Variants in NPFFR2 observed in about 807,000 individuals in gnomAD.
NPFFR2 encodes neuropeptide FF receptor 2, also known as G-protein coupled receptor 74.
A neutral mutation model predicts 13.1 loss-of-function variants in NPFFR2; 15 were observed. The ratio of observed to expected loss-of-function variants is 1.15; its 90% CI spans 0.77 to 1.76. The LOEUF is 1.76. Ranked by LOEUF, NPFFR2 falls within the 40% of genes most tolerant of loss-of-function variation. The probability of loss-of-function intolerance (pLI) is 0.00; values close to 1 mark genes in which losing one functional copy is unlikely to be tolerated. For missense variants in NPFFR2, 572 were observed against 503.5 expected, an observed-to-expected ratio of 1.14 and a Z score of -1.30; for synonymous variants, 190 against 175.7, an observed-to-expected ratio of 1.08 and a Z score of -0.65.
chr4:72,133,223 A>G (rs945795005), intron 2 of NPFFR2, among the ~76,000 whole-genome samples: 2 of 152,192 alleles, frequency 1.3e-5, no homozygotes, highest in African/African-American at 4.8e-5. Context: ...GCACATGGCT[A>G]GCCAGTTATC....
chr4:72,062,233 G>A (rs867950929), intron 1 of NPFFR2, among the ~76,000 whole-genome samples: 2 of 152,054 alleles, frequency 1.3e-5, no homozygotes, highest in South Asian at 2.1e-4. Context: ...AAAGCTCAAG[G>A]TAGTATACTT....
intron 1 of NPFFR2, among the ~76,000 whole-genome samples, chr4:72,042,365 G>A (rs965850507): frequency 2.6e-5 from 4 of 152,242 alleles, no homozygotes; most frequent in Middle Eastern, 3.4e-3. Context: ...GTATAGCGGC[G>A]TGAGAATGGA....
At chr4:72,107,922 T>A (rs1395914938) in intron 1 of NPFFR2, among the ~76,000 whole-genome samples, 1 of 152,040 alleles carries the variant, frequency 6.6e-6, no homozygotes, top group African/African-American at 2.4e-5. Context: ...TATTGTATTT[T>A]ATATATCAAA....
At chr4:72,143,211 AAGAG>A (rs555652137) in intron 3 of NPFFR2, among the ~76,000 whole-genome samples, 1 of 152,304 alleles carries the variant, frequency 6.6e-6, no homozygotes, top group Non-Finnish European at 1.5e-5. Flanking sequence ...TTTGTCCACA[AAGAG>A]AGAGATTTAT....
intron 1 of NPFFR2, among the ~76,000 whole-genome samples, chr4:72,117,641 A>G (rs535821893): frequency 6.6e-6 from 1 of 152,318 alleles, no homozygotes; most frequent in South Asian, 2.1e-4. Context: ...TGTTGTCAAC[A>G]CAGTCAATAT....
chr4:72,050,630 T>C (rs1175312873), intron 1 of NPFFR2, among the ~76,000 whole-genome samples: 1 of 152,032 alleles, frequency 6.6e-6, no homozygotes, highest in Non-Finnish European at 1.5e-5. Context: ...TTTTAAATTA[T>C]ACTTTAAGTT....
intron 1 of NPFFR2, among the ~76,000 whole-genome samples, chr4:72,083,014 A>G (rs1444541469): frequency 4.6e-5 from 7 of 152,310 alleles, no homozygotes; most frequent in Admixed American, 2.6e-4. Context: ...CAAAACCTGA[A>G]TAGTATTCCA....
chr4:72,073,480 A>G (rs1439692248), intron 1 of NPFFR2, among the ~76,000 whole-genome samples: 1 of 152,090 alleles, frequency 6.6e-6, no homozygotes, highest in Non-Finnish European at 1.5e-5. Flanking sequence ...AGATCTCAAT[A>G]AAGGTGAATA....
At chr4:72,120,729 T>C (rs1043970506) in intron 1 of NPFFR2, among the ~76,000 whole-genome samples, 1 of 151,854 alleles carries the variant, frequency 6.6e-6, no homozygotes, top group Non-Finnish European at 1.5e-5. Context: ...AAAAAGGAAG[T>C]CCACACCAAA....
At chr4:72,095,475 T>A (rs1721038967) in intron 1 of NPFFR2, among the ~76,000 whole-genome samples, 1 of 152,136 alleles carries the variant, frequency 6.6e-6, no homozygotes, top group Non-Finnish European at 1.5e-5. Context: ...TATATCACTA[T>A]GAACAGATAT....
chr4:72,072,196 A>G (rs1220467238), intron 1 of NPFFR2, among the ~76,000 whole-genome samples: 1 of 152,130 alleles, frequency 6.6e-6, no homozygotes. Flanking sequence ...CCAGGAAAAT[A>G]TGGCTAATTC....
At chr4:72,122,900 A>T (rs995185614) in intron 1 of NPFFR2, among the ~76,000 whole-genome samples, 3 of 152,208 alleles carry the variant, frequency 2.0e-5, no homozygotes, top group Non-Finnish European at 4.4e-5. Context: ...AATAACTAAG[A>T]TCAGAGCAGA....
At chr4:72,129,119 A>C (rs1175654002) in intron 2 of NPFFR2, among the ~76,000 whole-genome samples, 200 bp downstream of exon 2, 1 of 152,214 alleles carries the variant, frequency 6.6e-6, no homozygotes, top group Non-Finnish European at 1.5e-5. Context: ...GAGAATGAGA[A>C]GGATTCTGAA....
At chr4:72,068,975 A>C (rs781631356) in intron 1 of NPFFR2, 2 of 1,436,276 alleles carry the variant, frequency 1.4e-6, no homozygotes, top group East Asian at 5.5e-5. Flanking sequence ...AACATCAAAA[A>C]GATTGAATGT....
At chr4:72,131,827 G>A (rs1337758979) in intron 2 of NPFFR2, among the ~76,000 whole-genome samples, 1 of 151,678 alleles carries the variant, frequency 6.6e-6, no homozygotes, top group African/African-American at 2.4e-5. Context: ...AATGATGGAA[G>A]GATTCTAAAA....
chr4:72,092,532 A>G (rs1229639754), intron 1 of NPFFR2, among the ~76,000 whole-genome samples: 3 of 152,042 alleles, frequency 2.0e-5, no homozygotes, highest in Non-Finnish European at 4.4e-5. Flanking sequence ...TGTTAGATGC[A>G]TATGTATTTT....
At chr4:72,113,743 G>T (rs966411087) in intron 1 of NPFFR2, among the ~76,000 whole-genome samples, 5 of 152,040 alleles carry the variant, frequency 3.3e-5, no homozygotes, top group Admixed American at 6.6e-5. Context: ...AGCCCTGGGG[G>T]GTTGTCTGCG....
chr4:72,131,458 A>C (rs1417040279), intron 2 of NPFFR2, among the ~76,000 whole-genome samples: 1 of 77,314 alleles, frequency 1.3e-5, no homozygotes, highest in Non-Finnish European at 2.3e-5. Context: ...GGGTGGGGGG[A>C]GGGGGGAGGG....
At chr4:72,140,918 T>G (rs1227738136) in intron 3 of NPFFR2, among the ~76,000 whole-genome samples, 2 of 152,170 alleles carry the variant, frequency 1.3e-5, no homozygotes, top group African/African-American at 4.8e-5. Context: ...GGTAAGCTAT[T>G]AATTATTGCC....
Sources: gnomAD v4.1 joint callset for allele counts (sites outside exome capture counted in the v4.1 genomes callset) on GRCh38, gnomAD v4.1.1 for gene constraint, MANE v1.5 for transcripts, NCBI Gene and HGNC (gene_info 2026-07-23, HGNC 2026-07-21) for gene names.